The following DYSF variants were observed in gnomAD, a reference collection of about 807,000 sequenced individuals.
DYSF encodes the protein dysferlin.
Under a neutral mutation model 274.9 loss-of-function variants are expected in DYSF, and 212 were observed. The ratio of observed to expected loss-of-function variants is 0.77; its 90% CI spans 0.69 to 0.86. The LOEUF (loss-of-function observed/expected upper bound fraction) is 0.86, where lower values mean the gene tolerates loss of function less well. DYSF is among the 40% of genes least tolerant of loss of function. DYSF has a pLI of 0.00. For synonymous variants in DYSF, 1,091 were observed against 1,078.7 expected (o/e 1.01, Z -0.22); for missense variants, 2,666 against 2,783.2 (o/e 0.96, Z 0.95).
intron 36 of DYSF, among the ~76,000 whole-genome samples, chr2:71,605,400 G>A (rs779698833): frequency 1.7e-4 from 26 of 152,218 alleles, no homozygotes; most frequent in Admixed American, 6.5e-4. Context: ...ACTCTCGAGG[G>A]CACACACATG....
At chr2:71,482,467 A>C (rs1020897938) in intron 3 of DYSF, among the ~76,000 whole-genome samples, 2 of 152,126 alleles carry the variant, frequency 1.3e-5, no homozygotes, top group Non-Finnish European at 2.9e-5. Context: ...AACAGTAAAA[A>C]TGAGTAGCCC....
intron 36 of DYSF, chr2:71,610,796 G>A: frequency 3.5e-6 from 1 of 289,372 alleles, no homozygotes; most frequent in Non-Finnish European, 6.8e-6. Context: ...AACCCGGAAG[G>A]GTCTGAGCCA....
At chr2:71,622,983 T>C (rs2152898640) in intron 41 of DYSF, among the ~76,000 whole-genome samples, 1 of 152,344 alleles carries the variant, frequency 6.6e-6, no homozygotes, top group African/African-American at 2.4e-5. Flanking sequence ...TCATTTGGCA[T>C]TTATTAAGAT....
In DYSF at chr2:71,520,184, G is replaced by A. The variant is rs1573697627; in HGVS notation, c.1009G>A (p.Val337Met). 1.2e-6 allele frequency: 2 copies of A among 1,614,146 alleles called. No homozygotes were observed. Among genetic ancestry groups the A allele is most frequent in the East Asian group, 2.2e-5 (1 of 44,870 alleles). The change falls in exon 11 of 56, where the codon GTG (valine) becomes ATG (methionine). Residue 337 changes from valine to methionine, a missense_variant. Val to Met is a conservative substitution (Grantham distance 21). This residue lies in a region of DYSF where 794 missense variants were observed against 777.1 expected (regional missense o/e 1.02). Transcript: ENST00000410020. Reference sequence around the variant, plus strand: ...CTCCTCTCATTGATTGCAGATGGACGTGGGCACCATTTACAGAGAGCCCCG... The same window carrying A: ...CTCCTCTCATTGATTGCAGATGGACATGGGCACCATTTACAGAGAGCCCCG... ...DALLGEFRMD[V>M]GTIYREPRHA...
At chr2:71,619,873 C>T (rs1233643479) in intron 40 of DYSF, among the ~76,000 whole-genome samples, 1 of 152,126 alleles carries the variant, frequency 6.6e-6, no homozygotes, top group Non-Finnish European at 1.5e-5. Flanking sequence ...CCTCCTCAGG[C>T]TGCAGCCCAA....
intron 17 of DYSF, among the ~76,000 whole-genome samples, chr2:71,546,426 T>G (rs2090481156): frequency 6.6e-6 from 1 of 152,250 alleles, no homozygotes; most frequent in Non-Finnish European, 1.5e-5. Flanking sequence ...TTTCTGTTTT[T>G]GTTTTTGTTT....
Position 71,551,130 on chromosome 2 carries a change from C to G in DYSF, c.1666C>G (p.Pro556Ala), listed in dbSNP as rs749866053. The change falls in exon 18 of 56, where the codon CCC becomes GCC. Residue 556 changes from proline (P) to alanine (A), a missense_variant. By Grantham distance (27) the Pro-to-Ala change is conservative. This residue lies in a region of DYSF where 794 missense variants were observed against 777.1 expected (regional missense o/e 1.02). Transcript: ENST00000410020. ...CAGAGAGTTCACAGGCTTCCCAGAC[C>G]CCTACACAGAGCTCAACACAGGCAA... ...SPREFTGFPDPYTELNTGKGE... is the reference protein window; with the variant it reads ...SPREFTGFPDAYTELNTGKGE... 6.2e-7 allele frequency: 1 copy of G among 1,614,126 alleles called. No individual in the cohort carries two copies. The highest frequency in any genetic ancestry group is 8.5e-7 in the Non-Finnish European group (1 of 1,180,010).
intron 41 of DYSF, among the ~76,000 whole-genome samples, chr2:71,622,735 C>T (rs1442139725): frequency 6.6e-6 from 1 of 152,162 alleles, no homozygotes; most frequent in East Asian, 1.9e-4. Context: ...CTTGCCTCAG[C>T]CTCCTGAGTA....
chr2:71,612,518 C>T (rs2093787469), intron 38 of DYSF, 123 bp from the exon 39 acceptor site: 1 of 1,467,214 alleles, frequency 6.8e-7, no homozygotes, highest in African/African-American at 1.4e-5. Context: ...GGGCCAGCCA[C>T]CATTTTGGAT....
intron 45 of DYSF, among the ~76,000 whole-genome samples, chr2:71,662,838 ATG>A (rs778529239): frequency 9.3e-6 from 1 of 107,290 alleles, no homozygotes; most frequent in Non-Finnish European, 2.0e-5. Flanking sequence ...ATTTGTGTAT[ATG>A]TGTGTGTATG....
intron 1 of DYSF, among the ~76,000 whole-genome samples, chr2:71,473,708 TA>T (rs369020105): frequency 4.9e-4 from 74 of 152,132 alleles, no homozygotes; most frequent in African/African-American, 1.7e-3. Context: ...CACCTGGACT[TA>T]AAAAAAATTG....
At chr2:71,664,558 C>A (rs2094961107) in intron 46 of DYSF, 120 bp downstream of exon 46, 46 of 1,232,594 alleles carry the variant, frequency 3.7e-5, no homozygotes, top group Non-Finnish European at 4.9e-5. Context: ...ACTTCCTAGG[C>A]ATTCTCTCAT....
chr2:71,487,093 A>G (rs4536672), intron 3 of DYSF, among the ~76,000 whole-genome samples: 120,649 of 152,204 alleles, frequency 0.79, 48,094 homozygotes, highest in African/African-American at 0.87. Context: ...TGGTGTTTTC[A>G]TTGCGCAGCC....
chr2:71,584,350 C>T lies in DYSF; in HGVS notation c.3403-5243C>T, dbSNP rs542639540. On this transcript the variant is annotated intron_variant, in intron 30 of 55. Transcript: ENST00000410020. ...CCTCTAGGCTCCAGTGTGCTGCTGC[C>T]GCTCTCCCAGTTCCAGCACCCTCCT... 3.6e-3 allele frequency among the ~76,000 whole-genome samples: 542 copies of T among 152,266 alleles called. 2 individuals carry two copies. The highest frequency in any genetic ancestry group is 0.013 in the African/African-American group (528 of 41,550).
intron 21 of DYSF, 78 bp from the exon 22 acceptor site, chr2:71,555,887 C>A: frequency 1.7e-6 from 2 of 1,179,452 alleles, no homozygotes; most frequent in Non-Finnish European, 2.5e-6. Flanking sequence ...GTAGCAGTGA[C>A]AAGGCCTGGG....
At chr2:71,562,399 C>A (rs1305608750) in intron 23 of DYSF, among the ~76,000 whole-genome samples, 1 of 152,132 alleles carries the variant, frequency 6.6e-6, no homozygotes, top group Non-Finnish European at 1.5e-5. Context: ...ACCCCAGGCC[C>A]AAGGAGGCTT....
At chr2:71,506,574 C>T (rs892322708) in intron 4 of DYSF, among the ~76,000 whole-genome samples, 1 of 152,124 alleles carries the variant, frequency 6.6e-6, no homozygotes, top group South Asian at 2.1e-4. Flanking sequence ...GAGCTCTAGG[C>T]CCAGGTTGTG....
intron 4 of DYSF, among the ~76,000 whole-genome samples, chr2:71,511,018 G>T (rs1218334631): frequency 6.6e-6 from 1 of 152,236 alleles, no homozygotes; most frequent in Non-Finnish European, 1.5e-5. Context: ...GCCCCAGGAG[G>T]CTTGCTGGAC....
Position 71,545,791 on chromosome 2 carries a change from A to G in DYSF, c.1577-5250A>G, listed in dbSNP as rs189957515. The stretch of plus-strand genomic sequence containing the variant: ...CATCCCCCGACCTGTCTTCATTTCT[A>G]TGCTGTGTGAGCCCTCACCTTTCTC... On this transcript the variant is annotated intron_variant, in intron 17 of 55. Coordinates refer to ENST00000410020, the MANE Select transcript of DYSF (RefSeq NM_001130987.2). Among the ~76,000 whole-genome samples, 9 of 152,122 alleles carry G rather than the reference A, an allele frequency of 5.9e-5. No homozygotes were observed. In the East Asian group the frequency reaches 1.2e-3, roughly 20 times the overall value.
Sources: allele counts gnomAD v4.1 joint callset (sites outside exome capture counted in the v4.1 genomes callset), GRCh38; gene constraint gnomAD v4.1.1; regional missense constraint gnomAD v4.1.1; transcripts MANE v1.5; gene names NCBI Gene and HGNC (gene_info 2026-07-23, HGNC 2026-07-21).